The following MLF1 variants were observed in gnomAD, a reference collection of about 807,000 sequenced individuals.
MLF1 encodes myeloid leukemia factor 1.
Under a neutral mutation model 38.3 loss-of-function variants are expected in MLF1, and 37 were observed. The observed-to-expected ratio is 0.96, with a 90% confidence interval of 0.74 to 1.27. The LOEUF is 1.27. MLF1 is among the 50% of genes most tolerant of loss of function. The pLI is 0.00. For missense variants in MLF1, 331 were observed against 349.2 expected (o/e 0.95, Z 0.42); for synonymous variants, 95 against 106.5 (o/e 0.89, Z 0.66).
At chr3:158,577,860 A>G (rs1715690447) in intron 1 of MLF1, among the ~76,000 whole-genome samples, 1 of 152,212 alleles carries the variant, frequency 6.6e-6, no homozygotes, top group South Asian at 2.1e-4. Context: ...AACTATTTAT[A>G]GAATATCAGG....
At chr3:158,582,974 A>G (rs1459854551) in intron 1 of MLF1, 4 of 637,570 alleles carry the variant, frequency 6.3e-6, no homozygotes, top group South Asian at 5.4e-5. Flanking sequence ...TGGATCTGAT[A>G]GATAACAGTT....
In MLF1 at chr3:158,596,853, A is replaced by G. The variant is rs1178532928; in HGVS notation, c.241-9A>G. ...TACAGTTAATAACATACTTCCTGAT[A>G]TTCTGTAGCATACAGATGTCAGCTC... On this transcript the variant is annotated splice_polypyrimidine_tract_variant and intron_variant, in intron 3 of 7. Coordinates refer to ENST00000466246, the MANE Select transcript of MLF1 (RefSeq NM_001369783.1). The G allele has an allele frequency of 6.3e-7, 1 of 1,586,118 alleles. No individual in the cohort carries two copies. Among genetic ancestry groups the G allele is most frequent in the Non-Finnish European group, 8.6e-7 (1 of 1,157,450 alleles).
intron 1 of MLF1, among the ~76,000 whole-genome samples, chr3:158,588,542 A>G (rs1717614598): frequency 6.8e-6 from 1 of 147,716 alleles, no homozygotes; most frequent in African/African-American, 2.5e-5. Flanking sequence ...CGGAGCTTGC[A>G]GTGAGCCGAG....
At chr3:158,573,380 AG>A (rs1560092734) in intron 1 of MLF1, 1 of 7,288 alleles carries the variant, frequency 1.4e-4, no homozygotes, top group Non-Finnish European at 2.6e-4. Flanking sequence ...GGGCGGGGGG[AG>A]GGGGGCGGGA....
chr3:158,573,535 G>A (rs1188280005), intron 1 of MLF1: 2 of 151,848 alleles, frequency 1.3e-5, no homozygotes, highest in South Asian at 4.2e-4. Flanking sequence ...ATTTATTTTT[G>A]AGTTGTGGGA....
intron 6 of MLF1, among the ~76,000 whole-genome samples, chr3:158,600,712 GTTT>G (rs1454839454): frequency 6.6e-6 from 1 of 150,918 alleles, no homozygotes; most frequent in Non-Finnish European, 1.5e-5. Flanking sequence ...TTACCTTAAA[GTTT>G]TATTGTAAAT....
chr3:158,596,412 G>T (rs1161558243), intron 3 of MLF1, among the ~76,000 whole-genome samples: 1 of 152,104 alleles, frequency 6.6e-6, no homozygotes, highest in Non-Finnish European at 1.5e-5. Context: ...CAGCCATGTG[G>T]TACTGCTGGA....
At chr3:158,574,108 G>A (rs1477216430) in intron 1 of MLF1, among the ~76,000 whole-genome samples, 4 of 152,008 alleles carry the variant, frequency 2.6e-5, no homozygotes, top group African/African-American at 9.7e-5. Flanking sequence ...CAATGTTGTT[G>A]TTTAAATAAA....
chr3:158,583,433 TAAAGGG>T (rs976764457), intron 1 of MLF1, among the ~76,000 whole-genome samples: 4 of 150,900 alleles, frequency 2.7e-5, no homozygotes, highest in African/African-American at 7.3e-5. Context: ...AAAAAAGAAA[TAAAGGG>T]AAAGAAAGAA....
chr3:158,597,200 C>T (rs1160454208), intron 4 of MLF1, among the ~76,000 whole-genome samples: 1 of 151,922 alleles, frequency 6.6e-6, no homozygotes. Context: ...TTACAACCCA[C>T]TAAATTGAGT....
chr3:158,571,534 G>C (rs1268707286), intron 1 of MLF1, 187 bp downstream of exon 1: 7 of 691,204 alleles, frequency 1.0e-5, no homozygotes, highest in Non-Finnish European at 1.8e-5. Flanking sequence ...GGGTGTGTGA[G>C]ACAGGGAAGA....
At position 158,605,345 on chromosome 3, in the gene MLF1, G is replaced by A; in HGVS notation, c.*143G>A. On this transcript the variant is annotated 3_prime_UTR_variant, in exon 8 of 8. Transcript: ENST00000466246. Reference sequence around the variant, plus strand: ...TTCTGATATCTGAATGTTCATGAAGGTCCTAGCTTTATATTGTCCCTCTTT... The same window carrying A: ...TTCTGATATCTGAATGTTCATGAAGATCCTAGCTTTATATTGTCCCTCTTT... 1 of 538,802 alleles carries A rather than the reference G, an allele frequency of 1.9e-6. No homozygotes were observed. The highest frequency in any genetic ancestry group is 3.2e-6 in the Non-Finnish European group (1 of 310,648). The allele number at this position is 538,802 out of a possible 1,614,324, so 33.4% of individuals were successfully genotyped here.
intron 1 of MLF1, among the ~76,000 whole-genome samples, chr3:158,589,842 C>T (rs1014740853): frequency 5.9e-5 from 9 of 152,252 alleles, no homozygotes; most frequent in East Asian, 1.9e-4. Context: ...TCTTTTCTAG[C>T]GTCTAGATAC....
At chr3:158,592,020 A>G (rs1188165486) in intron 1 of MLF1, among the ~76,000 whole-genome samples, 1 of 152,220 alleles carries the variant, frequency 6.6e-6, no homozygotes, top group African/African-American at 2.4e-5. Context: ...TAACCTACCG[A>G]GTATCATCAG....
intron 1 of MLF1, among the ~76,000 whole-genome samples, chr3:158,582,411 A>G (rs981589896): frequency 2.0e-5 from 3 of 152,220 alleles, no homozygotes; most frequent in Non-Finnish European, 2.9e-5. Context: ...GTACAAAGGA[A>G]CAGAAGCAAT....
rs371041058 is a variant in MLF1, at chr3:158,593,386, C to T, written c.200C>T (p.Thr67Met). ...HNDGEDSLTA[T>M]SCSLVPFGDF... ...AATTGGATATTATTTTTCCAGGCAA[C>T]GAGTTGTTCTCTTGTGCCTTTTGGC... Residue 67 changes from threonine to methionine, a missense_variant, in exon 3 of 8, where the codon ACG becomes ATG. By Grantham distance (81) the Thr-to-Met change is moderately conservative. Transcript: ENST00000466246. 67 of 1,553,454 alleles carry T rather than the reference C, an allele frequency of 4.3e-5. No homozygotes were observed. The highest frequency in any genetic ancestry group is 4.2e-5 in the Non-Finnish European group (48 of 1,155,592).
At chr3:158,585,285 A>G (rs1717086100) in intron 1 of MLF1, among the ~76,000 whole-genome samples, 1 of 152,032 alleles carries the variant, frequency 6.6e-6, no homozygotes, top group Admixed American at 6.6e-5. Flanking sequence ...GTTGTTAAAA[A>G]GAGCCTTTCA....
chr3:158,598,210 T>G lies in MLF1; in HGVS notation c.453+2T>G, dbSNP rs1305121582. ...CAAACTCGTCGAGCTCCAGGAGGAG[T>G]AAGTTTTCTATAAGCATTCCTAAAG... On this transcript the variant is annotated splice_donor_variant, in intron 5 of 7. Coordinates refer to ENST00000466246, the MANE Select transcript of MLF1 (RefSeq NM_001369783.1). LOFTEE classifies it high-confidence loss of function. 6.2e-7 allele frequency: 1 copy of G among 1,610,084 alleles called. No individual in the cohort carries two copies. Among genetic ancestry groups the G allele is most frequent in the East Asian group, 2.2e-5 (1 of 44,796 alleles).
At chr3:158,589,185 T>G (rs1282253098) in intron 1 of MLF1, among the ~76,000 whole-genome samples, 1 of 152,024 alleles carries the variant, frequency 6.6e-6, no homozygotes, top group East Asian at 1.9e-4. Context: ...CATTATTTAT[T>G]TATTTATTTA....
Sources: allele counts gnomAD v4.1 joint callset (sites outside exome capture counted in the v4.1 genomes callset), GRCh38; gene constraint gnomAD v4.1.1; transcripts MANE v1.5; gene names NCBI Gene and HGNC (gene_info 2026-07-23, HGNC 2026-07-21).